ZNF804A: variants seen among roughly 807,000 people sequenced by gnomAD.
ZNF804A encodes the protein zinc finger protein 804A.
ZNF804A carries 2 observed loss-of-function variants against 16.5 expected under a neutral mutation model. The observed-to-expected ratio is 0.12, with a 90% confidence interval of 0.05 to 0.38. ZNF804A has a LOEUF of 0.38. Ranked by LOEUF, ZNF804A falls within the 10% of genes least tolerant of loss-of-function variation. The pLI is 0.99. For missense variants in ZNF804A, 1,473 were observed against 1,390.7 expected, an observed-to-expected ratio of 1.06 and a Z score of -0.94; for synonymous variants, 534 against 489.6, an observed-to-expected ratio of 1.09 and a Z score of -1.20.
chr2:184,932,106 G>A (rs1685711279), intron 2 of ZNF804A, among the ~76,000 whole-genome samples: 1 of 152,098 alleles, frequency 6.6e-6, no homozygotes, highest in Non-Finnish European at 1.5e-5. Flanking sequence ...TTTGGTCTAA[G>A]CCATTTGACA....
intron 1 of ZNF804A, among the ~76,000 whole-genome samples, chr2:184,760,272 GA>G (rs1405006190): frequency 6.6e-6 from 1 of 151,988 alleles, no homozygotes; most frequent in East Asian, 1.9e-4. Flanking sequence ...TTATTTGAAC[GA>G]ATTTTAAATA....
At chr2:184,891,050 T>C (rs1408170941) in intron 2 of ZNF804A, among the ~76,000 whole-genome samples, 1 of 152,172 alleles carries the variant, frequency 6.6e-6, no homozygotes, top group East Asian at 1.9e-4. Flanking sequence ...ACAACCACAA[T>C]CTTGGTTTAG....
intron 1 of ZNF804A, among the ~76,000 whole-genome samples, chr2:184,633,253 G>A (rs1051725565): frequency 3.9e-5 from 6 of 152,144 alleles, no homozygotes; most frequent in African/African-American, 1.4e-4. Context: ...TGTAGTCAGA[G>A]CAGATACATG....
chr2:184,722,694 G>C (rs1326882508), intron 1 of ZNF804A, among the ~76,000 whole-genome samples: 1 of 151,934 alleles, frequency 6.6e-6, no homozygotes, highest in East Asian at 1.9e-4. Flanking sequence ...TTGTATACCT[G>C]TAACTTTGAT....
intron 1 of ZNF804A, among the ~76,000 whole-genome samples, chr2:184,780,110 A>C (rs1694351447): frequency 6.6e-6 from 1 of 151,842 alleles, no homozygotes; most frequent in African/African-American, 2.4e-5. Flanking sequence ...TCTCCATTAT[A>C]AAGTCTACCT....
chr2:184,635,591 A>G (rs993455245), intron 1 of ZNF804A, among the ~76,000 whole-genome samples: 23 of 152,128 alleles, frequency 1.5e-4, no homozygotes, highest in Non-Finnish European at 7.4e-5. Flanking sequence ...ATTAAGCTCA[A>G]TGGGGATTGA....
intron 1 of ZNF804A, among the ~76,000 whole-genome samples, chr2:184,773,310 G>C (rs1487886160): frequency 7.3e-5 from 11 of 151,464 alleles, no homozygotes; most frequent in Non-Finnish European, 1.6e-4. Flanking sequence ...ACCAATACCT[G>C]TATCTCACAC....
At position 184,852,693 on chromosome 2, in the gene ZNF804A, A is replaced by G. The variant is rs542714813; in HGVS notation, c.112-13676A>G. ...ATATTTAGTTGTCCCAATATCATTT[A>G]TTGAACAGACTATCCTTTCCCCATT... On this transcript the variant is annotated intron_variant, in intron 1 of 3. Coordinates refer to ENST00000302277, the MANE Select transcript of ZNF804A (RefSeq NM_194250.2). Among the ~76,000 whole-genome samples the G allele has an allele frequency of 1.2e-4, 18 of 151,852 alleles. No homozygotes were observed. In the East Asian group the frequency reaches 3.3e-3, roughly 28 times the overall value.
chr2:184,762,979 G>T (rs1694063225), intron 1 of ZNF804A, among the ~76,000 whole-genome samples: 1 of 152,092 alleles, frequency 6.6e-6, no homozygotes, highest in African/African-American at 2.4e-5. Context: ...AATCACAAAT[G>T]TTATTTCTAG....
rs571450109 is a variant in ZNF804A at position 184,796,672 on chromosome 2, G to A, written c.112-69697G>A. 2.0e-5 allele frequency among the ~76,000 whole-genome samples: 3 copies of A among 151,916 alleles called. No homozygotes were observed. In the South Asian group the frequency reaches 6.3e-4, roughly 32 times the overall value. On this transcript the variant is annotated intron_variant, in intron 1 of 3. Transcript: ENST00000302277. ...TATTTCCTTCCTTCTGCTGGGTTTGGTTTTGGTTTCTTCTTGTTTCTCTAG... is the reference window on the plus strand; with the variant it reads ...TATTTCCTTCCTTCTGCTGGGTTTGATTTTGGTTTCTTCTTGTTTCTCTAG...
chr2:184,803,879 G>A (rs1165880798), intron 1 of ZNF804A, among the ~76,000 whole-genome samples: 1 of 151,316 alleles, frequency 6.6e-6, no homozygotes, highest in Non-Finnish European at 1.5e-5. Context: ...GGGGGGAGGG[G>A]GGTGATGGAG....
chr2:184,803,690 C>G (rs940993935), intron 1 of ZNF804A, among the ~76,000 whole-genome samples: 1 of 152,066 alleles, frequency 6.6e-6, no homozygotes, highest in Non-Finnish European at 1.5e-5. Context: ...AAAACAATTG[C>G]AATTTAATTC....
At chr2:184,729,249 T>C (rs1219616993) in intron 1 of ZNF804A, among the ~76,000 whole-genome samples, 1 of 151,918 alleles carries the variant, frequency 6.6e-6, no homozygotes, top group Non-Finnish European at 1.5e-5. Context: ...TATTCTACAA[T>C]GCATATATAT....
intron 1 of ZNF804A, among the ~76,000 whole-genome samples, chr2:184,726,128 C>A (rs1305257818): frequency 1.3e-5 from 2 of 151,560 alleles, no homozygotes; most frequent in African/African-American, 4.8e-5. Context: ...AATAAGTTTT[C>A]TTCATTTCTC....
At chr2:184,601,451 A>G (rs1002592031) in intron 1 of ZNF804A, among the ~76,000 whole-genome samples, 1 of 152,026 alleles carries the variant, frequency 6.6e-6, no homozygotes, top group African/African-American at 2.4e-5. Flanking sequence ...GCAACTCAAT[A>G]AGAAATACAA....
intron 2 of ZNF804A, among the ~76,000 whole-genome samples, chr2:184,893,854 T>C (rs1201096862): frequency 1.3e-5 from 2 of 152,168 alleles, no homozygotes; most frequent in South Asian, 2.1e-4. Context: ...TTTCACTTTA[T>C]TCCCTGGAGC....
rs75448810 is a variant in ZNF804A at position 184,837,772 on chromosome 2, C to T, written c.112-28597C>T. On this transcript the variant is annotated intron_variant, in intron 1 of 3. Transcript: ENST00000302277. ...ACTGGAATAAGCTCGTGTATGAAGGCTCACTGAGCATATTCTACAAGATAT... is the reference window on the plus strand; with the variant it reads ...ACTGGAATAAGCTCGTGTATGAAGGTTCACTGAGCATATTCTACAAGATAT... 3.4e-3 allele frequency among the ~76,000 whole-genome samples: 516 copies of T among 152,202 alleles called. 2 individuals carry two copies. Among genetic ancestry groups the T allele is most frequent in the African/African-American group, 0.012 (487 of 41,526 alleles).
chr2:184,623,489 T>A (rs1159523500), intron 1 of ZNF804A, among the ~76,000 whole-genome samples: 1 of 152,118 alleles, frequency 6.6e-6, no homozygotes, highest in Non-Finnish European at 1.5e-5. Flanking sequence ...TAAGGGTGGG[T>A]CACATTTTTC....
intron 1 of ZNF804A, among the ~76,000 whole-genome samples, chr2:184,715,127 G>A (rs1693193968): frequency 6.6e-6 from 1 of 152,120 alleles, no homozygotes; most frequent in African/African-American, 2.4e-5. Flanking sequence ...AGGTTCCTAA[G>A]TATCAATTTT....
Sources: gnomAD v4.1 joint callset for allele counts (sites outside exome capture counted in the v4.1 genomes callset) on GRCh38, gnomAD v4.1.1 for gene constraint, MANE v1.5 for transcripts, NCBI Gene and HGNC (gene_info 2026-07-23, HGNC 2026-07-21) for gene names.